MUCL1: variants seen among roughly 807,000 people sequenced by gnomAD.
MUCL1 encodes the protein mucin like 1.
Under a neutral mutation model 9.2 loss-of-function variants are expected in MUCL1, and 11 were observed. That is an observed-to-expected ratio of 1.19 (90% CI 0.75 to 1.97). The LOEUF is 1.97. Among genes scored for constraint, MUCL1 ranks in the 30% most tolerant of loss-of-function variants. MUCL1 has a pLI of 0.00. For missense variants in MUCL1, 144 were observed against 110.9 expected (o/e 1.30, Z -1.34); for synonymous variants, 48 against 40.5 (o/e 1.19, Z -0.71).
chr12:54,835,291 C>T (rs558048495), upstream of MUCL1, among the ~76,000 whole-genome samples: 33 of 152,208 alleles, frequency 2.2e-4, 1 homozygote, highest in East Asian at 4.2e-3. Context: ...ATTGCTGGAT[C>T]AAACAGTAGA....
chr12:54,835,393 T>C (rs1322426639), upstream of MUCL1, among the ~76,000 whole-genome samples: 2 of 151,976 alleles, frequency 1.3e-5, no homozygotes, highest in African/African-American at 4.8e-5. Context: ...AGCATCCCCT[T>C]TTCACCACCT....
chr12:54,849,174 T>G (rs1959300104), intron 1 of MUCL1, among the ~76,000 whole-genome samples: 1 of 152,134 alleles, frequency 6.6e-6, no homozygotes, highest in Non-Finnish European at 1.5e-5. Flanking sequence ...TTAAAAGAAT[T>G]TGTGTACAAA....
intron 1 of MUCL1, among the ~76,000 whole-genome samples, chr12:54,833,015 T>C (rs1047483179): frequency 6.6e-6 from 1 of 152,104 alleles, no homozygotes; most frequent in Non-Finnish European, 1.5e-5. Context: ...ATTATGTTTT[T>C]CTTTTTAAAT....
chr12:54,837,176 A>G (rs1326650522), upstream of MUCL1, among the ~76,000 whole-genome samples: 3 of 152,070 alleles, frequency 2.0e-5, no homozygotes, highest in Non-Finnish European at 1.5e-5. Flanking sequence ...CTGTCAGTAG[A>G]GAGTTGAAGT....
chr12:54,835,555 T>G (rs1186987383), upstream of MUCL1, among the ~76,000 whole-genome samples: 1 of 152,102 alleles, frequency 6.6e-6, no homozygotes, highest in African/African-American at 2.4e-5. Flanking sequence ...TTTGTATATC[T>G]TCTTTTGAGA....
intron 1 of MUCL1, among the ~76,000 whole-genome samples, chr12:54,839,946 T>C (rs1482227911): frequency 6.6e-6 from 1 of 152,176 alleles, no homozygotes; most frequent in Non-Finnish European, 1.5e-5. Flanking sequence ...TAGAGTCGCT[T>C]TTCACAAGCA....
upstream of MUCL1, among the ~76,000 whole-genome samples, chr12:54,838,636 T>C (rs922086528): frequency 6.6e-6 from 1 of 152,156 alleles, no homozygotes; most frequent in Non-Finnish European, 1.5e-5. Flanking sequence ...TTATTTTTTT[T>C]CTTTATTTTT....
upstream of MUCL1, among the ~76,000 whole-genome samples, chr12:54,837,158 A>C (rs984616371): frequency 1.3e-5 from 2 of 152,042 alleles, no homozygotes; most frequent in Non-Finnish European, 2.9e-5. Flanking sequence ...TCAATGGTCT[A>C]TCTAGTGCTG....
At chr12:54,840,564 CG>C (rs1336359215) in intron 1 of MUCL1, among the ~76,000 whole-genome samples, 2 of 152,222 alleles carry the variant, frequency 1.3e-5, no homozygotes, top group South Asian at 2.1e-4. Flanking sequence ...AGGCAATGAG[CG>C]GGGTCATAAA....
chr12:54,838,768 T>C (rs1353837469), upstream of MUCL1, among the ~76,000 whole-genome samples: 1 of 152,190 alleles, frequency 6.6e-6, no homozygotes, highest in Non-Finnish European at 1.5e-5. Flanking sequence ...TTTCCAGAAG[T>C]TCTGATTCGT....
upstream of MUCL1, among the ~76,000 whole-genome samples, chr12:54,853,600 G>T (rs78178563): frequency 3.9e-5 from 6 of 151,978 alleles, no homozygotes; most frequent in East Asian, 7.7e-4. Flanking sequence ...TGCCTTTTTT[G>T]GTCACCTTAT....
chr12:54,847,415 A>G (rs749795627), intron 1 of MUCL1, among the ~76,000 whole-genome samples: 3 of 152,188 alleles, frequency 2.0e-5, no homozygotes, highest in Non-Finnish European at 2.9e-5. Context: ...CAGGAGTTCA[A>G]GACCAGCCTG....
chr12:54,846,181 C>T (rs891301824), intron 1 of MUCL1, among the ~76,000 whole-genome samples: 1 of 152,158 alleles, frequency 6.6e-6, no homozygotes, highest in Non-Finnish European at 1.5e-5. Flanking sequence ...GTCCATTGAG[C>T]TGGTTAACAC....
chr12:54,843,521 G>T (rs556412032), intron 1 of MUCL1, among the ~76,000 whole-genome samples: 86 of 152,308 alleles, frequency 5.6e-4, no homozygotes, highest in African/African-American at 1.9e-3. Flanking sequence ...TGAAGTTAAA[G>T]TTGTTAATTA....
chr12:54,855,109 C>G lies in MUCL1; in HGVS notation c.59-7C>G, dbSNP rs762233258. 1.2e-6 allele frequency: 2 copies of G among 1,612,970 alleles called. No individual in the cohort carries two copies. Among genetic ancestry groups the G allele is most frequent in the South Asian group, 1.1e-5 (1 of 91,040 alleles). On this transcript the variant is annotated splice_region_variant and splice_polypyrimidine_tract_variant and intron_variant, in intron 1 of 3. Coordinates refer to ENST00000308796, the MANE Select transcript of MUCL1 (RefSeq NM_058173.3). ...TAACATCTTAATTTTTCCTTCTTCTCTTTCAGAGAATCCGACAACAGCTGC... is the reference window on the plus strand; with the variant it reads ...TAACATCTTAATTTTTCCTTCTTCTGTTTCAGAGAATCCGACAACAGCTGC...
chr12:54,853,302 G>T (rs1444853111), upstream of MUCL1, among the ~76,000 whole-genome samples: 1 of 152,186 alleles, frequency 6.6e-6, no homozygotes, highest in Non-Finnish European at 1.5e-5. Context: ...GGCCTCAGTT[G>T]GGTCCAGCAC....
intron 1 of MUCL1, among the ~76,000 whole-genome samples, chr12:54,832,295 ACAAAT>A (rs1181636277): frequency 6.6e-6 from 1 of 152,132 alleles, no homozygotes; most frequent in African/African-American, 2.4e-5. Context: ...TGTTAAAAAG[ACAAAT>A]TTTGGGTGGG....
At chr12:54,839,593 A>G in intron 1 of MUCL1, 4 of 679,800 alleles carry the variant, frequency 5.9e-6, no homozygotes, top group East Asian at 2.7e-5. Context: ...CAGGAAAATG[A>G]TTTGCCTCCC....
intron 3 of MUCL1, among the ~76,000 whole-genome samples, chr12:54,857,248 GTGTGTGTGT>G (rs1186889474): frequency 1.3e-5 from 2 of 151,662 alleles, no homozygotes; most frequent in African/African-American, 4.8e-5. Flanking sequence ...GTGTGTGTGT[GTGTGTGTGT>G]GTGTGTGTGT....
Sources: gnomAD v4.1 joint callset for allele counts (sites outside exome capture counted in the v4.1 genomes callset) on GRCh38, gnomAD v4.1.1 for gene constraint, MANE v1.5 for transcripts, NCBI Gene and HGNC (gene_info 2026-07-23, HGNC 2026-07-21) for gene names.